Variants in SAMD3 observed in about 807,000 individuals in gnomAD.
SAMD3 encodes sterile alpha motif domain-containing protein 3.
In SAMD3, 63 loss-of-function variants were observed where a neutral mutation model predicts 58.5. The ratio of observed to expected loss-of-function variants is 1.08; its 90% CI spans 0.88 to 1.33. The LOEUF (loss-of-function observed/expected upper bound fraction) is 1.33. Among genes scored for constraint, SAMD3 ranks in the 40% most tolerant of loss-of-function variants. The pLI is 0.00. For synonymous variants in SAMD3, 220 were observed against 210.3 expected, an observed-to-expected ratio of 1.05 and a Z score of -0.40; for missense variants, 604 against 608.4, an observed-to-expected ratio of 0.99 and a Z score of 0.08.
intron 2 of SAMD3, among the ~76,000 whole-genome samples, chr6:130,276,391 C>A (rs897070300): frequency 6.6e-6 from 1 of 152,002 alleles, no homozygotes; most frequent in African/African-American, 2.4e-5. Context: ...AAGTATAAAG[C>A]TTTAATCAGT....
At chr6:130,347,473 G>T (rs1777492204) in intron 1 of SAMD3, among the ~76,000 whole-genome samples, 1 of 152,164 alleles carries the variant, frequency 6.6e-6, no homozygotes, top group South Asian at 2.1e-4. Context: ...AAGAAAGGGT[G>T]TCAGTGATGG....
rs963425705 is a variant in SAMD3, at chr6:130,333,046, T to TGC, written c.-303-19954_-303-19953insGC. On this transcript the variant is annotated intron_variant, in intron 1 of 13. Coordinates refer to the SAMD3 transcript ENST00000368134. Reference sequence around the variant, plus strand: ...AGACAGGGCCACAGTTGAGTATGCGTGTGTGTGTGTGTGTGTGTGTGTGTG... The same window carrying TGC: ...AGACAGGGCCACAGTTGAGTATGCGTGCGTGTGTGTGTGTGTGTGTGTGTGTG... Among the ~76,000 whole-genome samples the TGC allele has an allele frequency of 2.5e-4, 11 of 44,430 alleles. No individual in the cohort carries two copies. The African/African-American group carries it at 4.5e-3, about 18-fold the overall frequency. The allele number at this position is 44,430 out of a possible 152,430, so 29.1% of individuals were successfully genotyped here. A position where few individuals can be genotyped will look rare whatever the true frequency, so the allele number is the denominator to read the frequency against.
rs143659878 is a variant in SAMD3, at chr6:130,270,274, G to A, written c.-188+42704C>T. 5.2e-4 allele frequency among the ~76,000 whole-genome samples: 79 copies of A among 152,268 alleles called. No homozygotes were observed. In the East Asian group the frequency reaches 0.015, roughly 29 times the overall value. On this transcript the variant is annotated intron_variant, in intron 2 of 13. Transcript: ENST00000368134. ...GCCCTGGCTAACTTTTGTATTTTTA[G>A]TAGAGATGGGGTTTCACCATGTTGG...
upstream of SAMD3, chr6:130,365,852 G>A: frequency 1.0e-6 from 1 of 985,650 alleles, no homozygotes; most frequent in Non-Finnish European, 1.2e-6. Context: ...CCTCCAGGAG[G>A]AGTGGGTGGC....
chr6:130,197,752 A>T (rs959784982), intron 5 of SAMD3, among the ~76,000 whole-genome samples: 1 of 151,578 alleles, frequency 6.6e-6, no homozygotes, highest in African/African-American at 2.4e-5. Context: ...ATCCCCCAAA[A>T]TTTTCGCTGT....
chr6:130,247,727 T>C (rs1390134913), intron 2 of SAMD3, among the ~76,000 whole-genome samples: 1 of 152,194 alleles, frequency 6.6e-6, no homozygotes, highest in Non-Finnish European at 1.5e-5. Flanking sequence ...AGGATAATCA[T>C]ATAGTTGATG....
chr6:130,349,892 C>T (rs933810697), intron 1 of SAMD3, among the ~76,000 whole-genome samples: 2 of 152,196 alleles, frequency 1.3e-5, no homozygotes, highest in African/African-American at 2.4e-5. Flanking sequence ...TGGGCTTCAT[C>T]CCTGGGATGC....
intron 5 of SAMD3, among the ~76,000 whole-genome samples, chr6:130,202,870 A>T (rs1293609632): frequency 6.6e-6 from 1 of 151,666 alleles, no homozygotes; most frequent in Non-Finnish European, 1.5e-5. Context: ...CTCAGGATCT[A>T]AACGTGTCAA....
intron 5 of SAMD3, among the ~76,000 whole-genome samples, chr6:130,194,330 AC>A (rs1210978031): frequency 7.2e-5 from 11 of 152,168 alleles, no homozygotes; most frequent in Non-Finnish European, 1.5e-5. Context: ...ACAGCCCTAG[AC>A]CCTAAAAGGT....
intron 1 of SAMD3, among the ~76,000 whole-genome samples, chr6:130,319,717 A>G (rs1206891313): frequency 6.6e-6 from 1 of 152,224 alleles, no homozygotes; most frequent in Non-Finnish European, 1.5e-5. Flanking sequence ...TGGCATGTAG[A>G]AAAATATAGA....
chr6:130,173,544 T>A (rs1053268840), intron 8 of SAMD3, among the ~76,000 whole-genome samples: 12 of 152,228 alleles, frequency 7.9e-5, no homozygotes, highest in Admixed American at 6.5e-4. Flanking sequence ...TAGTCCTTCC[T>A]CTGGAAGCTT....
intron 7 of SAMD3, chr6:130,183,431 G>A (rs1045991224): frequency 1.8e-5 from 8 of 451,018 alleles, no homozygotes; most frequent in African/African-American, 1.6e-4. Flanking sequence ...GATCTGACAG[G>A]GCCAGGTAAG....
chr6:130,204,764 C>T (rs1794937867), intron 5 of SAMD3, among the ~76,000 whole-genome samples: 1 of 95,464 alleles, frequency 1.0e-5, no homozygotes, highest in Non-Finnish European at 2.1e-5. Flanking sequence ...AATTTCCAGG[C>T]CTTTTTTTTT....
intron 1 of SAMD3, among the ~76,000 whole-genome samples, chr6:130,356,480 A>G (rs1583150997): frequency 6.6e-6 from 1 of 152,130 alleles, no homozygotes; most frequent in East Asian, 1.9e-4. Flanking sequence ...CTCTTACCCT[A>G]CCTTATTTTT....
intron 2 of SAMD3, among the ~76,000 whole-genome samples, chr6:130,228,042 G>A (rs1796433420): frequency 1.3e-5 from 2 of 152,256 alleles, no homozygotes; most frequent in South Asian, 4.1e-4. Flanking sequence ...TACACTTAAG[G>A]ATACCAGCCT....
Position 130,250,092 on chromosome 6 carries a change from C to T in SAMD3, c.-187-27279G>A, listed in dbSNP as rs188179886. 2.1e-4 allele frequency among the ~76,000 whole-genome samples: 32 copies of T among 152,244 alleles called. 1 individual carries two copies. Among genetic ancestry groups the T allele is most frequent in the African/African-American group, 7.0e-4 (29 of 41,552 alleles). On this transcript the variant is annotated intron_variant, in intron 2 of 13. Coordinates refer to the SAMD3 transcript ENST00000368134. The stretch of plus-strand genomic sequence containing the variant: ...GCACAGGAGCCCCCAGATAGCTCTG[C>T]AACAGTTACATACAGCTATGGGTGT...
At chr6:130,355,394 A>C (rs1277241747) in intron 1 of SAMD3, among the ~76,000 whole-genome samples, 1 of 152,190 alleles carries the variant, frequency 6.6e-6, no homozygotes, top group Non-Finnish European at 1.5e-5. Flanking sequence ...ACTGCACTCC[A>C]GCCTAGGTGA....
intron 5 of SAMD3, among the ~76,000 whole-genome samples, chr6:130,197,892 T>C (rs1422332225): frequency 6.6e-6 from 1 of 152,208 alleles, no homozygotes; most frequent in East Asian, 1.9e-4. Context: ...GATGGCCGGT[T>C]CCTGCCTTAA....
chr6:130,159,801 A>C (rs938205497), intron 8 of SAMD3: 2 of 152,220 alleles, frequency 1.3e-5, no homozygotes, highest in Non-Finnish European at 2.9e-5. Context: ...AGTAAATTGA[A>C]AAAAAGGCAG....
Sources: gnomAD v4.1 joint callset for allele counts (sites outside exome capture counted in the v4.1 genomes callset) on GRCh38, gnomAD v4.1.1 for gene constraint, MANE v1.5 for transcripts, NCBI Gene and HGNC (gene_info 2026-07-23, HGNC 2026-07-21) for gene names.